RANBP2: variants seen among roughly 807,000 people sequenced by gnomAD.
RANBP2 encodes RAN binding protein 2.
A neutral mutation model predicts 303.6 loss-of-function variants in RANBP2; 57 were observed. The ratio of observed to expected loss-of-function variants is 0.19; its 90% CI spans 0.15 to 0.23. The LOEUF (loss-of-function observed/expected upper bound fraction) is 0.23, where lower values mean the gene tolerates loss of function less well. Ranked by LOEUF, RANBP2 falls within the 10% of genes least tolerant of loss-of-function variation. The probability of loss-of-function intolerance (pLI) is 1.00; values close to 1 mark genes in which losing one functional copy is unlikely to be tolerated. For synonymous variants in RANBP2, 1,167 were observed against 1,301.5 expected, an observed-to-expected ratio of 0.90 and a Z score of 2.23; for missense variants, 3,138 against 3,780.8, an observed-to-expected ratio of 0.83 and a Z score of 4.46.
chr2:109,452,945 CGGGAGGCTGGTCCCT>C, the RANBP2 span, among the ~76,000 whole-genome samples: 74 of 149,152 alleles, frequency 5.0e-4, 1 homozygote, highest in East Asian at 1.4e-3. Context: ...AGGCTGGTGC[CGGGAGGCTGGTCCCT>C]GGGAGGCTGG....
chr2:109,687,594 C>T, the RANBP2 span, among the ~76,000 whole-genome samples: 3 of 150,248 alleles, frequency 2.0e-5, no homozygotes, highest in Admixed American at 1.3e-4. Context: ...GACCACAGTA[C>T]ATTTACTGTC....
At chr2:109,545,825 T>C in the RANBP2 span, 7 of 1,429,346 alleles carry the variant, frequency 4.9e-6, no homozygotes, top group Non-Finnish European at 6.4e-6. Context: ...CATTCATTCA[T>C]TTTGGCAAAT....
the RANBP2 span, among the ~76,000 whole-genome samples, chr2:109,077,977 A>G: frequency 6.8e-6 from 1 of 146,490 alleles, no homozygotes; most frequent in African/African-American, 2.5e-5. Context: ...AAAGGAAATG[A>G]ACTCAGTATC....
the RANBP2 span, chr2:109,614,365 G>A: frequency 1.2e-6 from 1 of 813,384 alleles, no homozygotes; most frequent in South Asian, 6.3e-5. Context: ...TCTGGCCTCA[G>A]ACGCGTAGGC....
chr2:109,152,908 A>G, the RANBP2 span, among the ~76,000 whole-genome samples: 2 of 152,172 alleles, frequency 1.3e-5, no homozygotes, highest in Admixed American at 1.3e-4. Context: ...GGAGGCACGC[A>G]ATTGAAAGCT....
At chr2:109,614,645 C>T in the RANBP2 span, 126 of 1,470,566 alleles carry the variant, frequency 8.6e-5, no homozygotes, top group African/African-American at 1.7e-3. Context: ...GCGCCCGCGC[C>T]CGCGCGCACT....
chr2:109,134,476 A>G, the RANBP2 span, among the ~76,000 whole-genome samples: 1 of 152,200 alleles, frequency 6.6e-6, no homozygotes, highest in Admixed American at 6.5e-5. Flanking sequence ...CAGCGAGTGA[A>G]TAATCTAAAT....
At chr2:109,344,301 G>A in the RANBP2 span, among the ~76,000 whole-genome samples, 8 of 152,208 alleles carry the variant, frequency 5.3e-5, no homozygotes, top group Non-Finnish European at 1.0e-4. Flanking sequence ...ATGGAATTAG[G>A]AGGGCACAGG....
chr2:109,293,143 A>C, the RANBP2 span, among the ~76,000 whole-genome samples: 1 of 152,234 alleles, frequency 6.6e-6, no homozygotes, highest in South Asian at 2.1e-4. Flanking sequence ...AATGGGACAC[A>C]GGGACAGAGC....
the RANBP2 span, among the ~76,000 whole-genome samples, chr2:109,221,602 AG>A: frequency 3.3e-5 from 5 of 149,564 alleles, no homozygotes; most frequent in Non-Finnish European, 5.9e-5. Context: ...AAAAAAAAAA[AG>A]TGTGCATCTT....
At chr2:109,071,724 A>C in the RANBP2 span, among the ~76,000 whole-genome samples, 1 of 152,190 alleles carries the variant, frequency 6.6e-6, no homozygotes, top group Non-Finnish European at 1.5e-5. Flanking sequence ...GTTGGATAAC[A>C]GTCTTGAGTT....
the RANBP2 span, chr2:109,615,410 C>G: frequency 8.1e-6 from 13 of 1,612,966 alleles, no homozygotes; most frequent in Non-Finnish European, 9.3e-6. Flanking sequence ...CTTGCCTGCA[C>G]TGGGCCGCCA....
the RANBP2 span, among the ~76,000 whole-genome samples, chr2:109,650,222 A>AGCCTAT: frequency 6.6e-6 from 1 of 152,212 alleles, no homozygotes; most frequent in Non-Finnish European, 1.5e-5. Flanking sequence ...TGGAGAATGG[A>AGCCTAT]GCCTATGCCA....
At chr2:109,468,051 T>G in the RANBP2 span, among the ~76,000 whole-genome samples, 1 of 152,208 alleles carries the variant, frequency 6.6e-6, no homozygotes, top group South Asian at 2.1e-4. Flanking sequence ...CCACAAAGAT[T>G]CCCACAACTC....
the RANBP2 span, among the ~76,000 whole-genome samples, chr2:109,342,129 T>A: frequency 6.6e-6 from 1 of 152,226 alleles, no homozygotes; most frequent in Non-Finnish European, 1.5e-5. Context: ...TCTGTGTCCA[T>A]CTATAACTCT....
At chr2:109,306,353 G>A in the RANBP2 span, among the ~76,000 whole-genome samples, 2 of 152,184 alleles carry the variant, frequency 1.3e-5, no homozygotes, top group African/African-American at 4.8e-5. Flanking sequence ...CAACCCCTGC[G>A]CATACTCCAG....
chr2:108,957,251 G>A, the RANBP2 span, among the ~76,000 whole-genome samples: 1 of 152,218 alleles, frequency 6.6e-6, no homozygotes, highest in Non-Finnish European at 1.5e-5. Context: ...CCAGGTGGCT[G>A]TTCACCTTCG....
At chr2:108,901,701 A>G in the RANBP2 span, among the ~76,000 whole-genome samples, 1 of 152,246 alleles carries the variant, frequency 6.6e-6, no homozygotes, top group African/African-American at 2.4e-5. Context: ...TTGATAACTT[A>G]GATGAAAATA....
the RANBP2 span, among the ~76,000 whole-genome samples, chr2:108,808,437 T>A: frequency 6.6e-6 from 1 of 152,176 alleles, no homozygotes; most frequent in Non-Finnish European, 1.5e-5. Context: ...ACCTGAATAC[T>A]TGTGTTTTTC....
Sources: gnomAD v4.1 joint callset for allele counts (sites outside exome capture counted in the v4.1 genomes callset) on GRCh38, gnomAD v4.1.1 for gene constraint, MANE v1.5 for transcripts, NCBI Gene and HGNC (gene_info 2026-07-23, HGNC 2026-07-21) for gene names.